PPP3CA: variants seen among roughly 807,000 people sequenced by gnomAD.
PPP3CA encodes CAM-PRP catalytic subunit.
In PPP3CA, 14 loss-of-function variants were observed where a neutral mutation model predicts 66.5. The ratio of observed to expected loss-of-function variants is 0.21; its 90% CI spans 0.14 to 0.33. The LOEUF (loss-of-function observed/expected upper bound fraction) is 0.33. PPP3CA is among the 10% of genes least tolerant of loss of function. The probability of loss-of-function intolerance (pLI) is 1.00; values close to 1 mark genes in which losing one functional copy is unlikely to be tolerated. For missense variants in PPP3CA, 317 were observed against 639.5 expected, an observed-to-expected ratio of 0.50 and a Z score of 5.44; for synonymous variants, 232 against 226.2, an observed-to-expected ratio of 1.03 and a Z score of -0.23.
intron 1 of PPP3CA, among the ~76,000 whole-genome samples, chr4:101,281,795 A>C (rs1727692699): frequency 6.6e-6 from 1 of 152,222 alleles, no homozygotes; most frequent in Non-Finnish European, 1.5e-5. Flanking sequence ...AATTTTATAT[A>C]GTGAAAAAAG....
At chr4:101,113,364 T>C (rs150597977) in intron 2 of PPP3CA, among the ~76,000 whole-genome samples, 1 of 152,228 alleles carries the variant, frequency 6.6e-6, no homozygotes, top group African/African-American at 2.4e-5. Context: ...ACACACAGCC[T>C]TCATTCTGTG....
intron 2 of PPP3CA, among the ~76,000 whole-genome samples, chr4:101,162,528 AAAATAAATAAATAAATAAAT>A (rs70961778): frequency 4.7e-4 from 67 of 143,988 alleles, no homozygotes; most frequent in African/African-American, 1.6e-3. Flanking sequence ...AGACTCCATC[AAAATAAATAAATAAATAAAT>A]AAATAAATAA....
intron 2 of PPP3CA, among the ~76,000 whole-genome samples, chr4:101,118,975 T>C (rs867133822): frequency 1.3e-5 from 2 of 151,252 alleles, no homozygotes; most frequent in African/African-American, 4.9e-5. Context: ...TTTTTTTTTT[T>C]TTTTAAACAA....
chr4:101,138,548 G>A (rs1056927529), intron 2 of PPP3CA, among the ~76,000 whole-genome samples: 1 of 152,104 alleles, frequency 6.6e-6, no homozygotes, highest in Non-Finnish European at 1.5e-5. Flanking sequence ...CTACTGAAAA[G>A]TTATCCATCC....
chr4:101,084,745 G>A (rs1225391328), intron 6 of PPP3CA, among the ~76,000 whole-genome samples: 1 of 152,194 alleles, frequency 6.6e-6, no homozygotes, highest in Non-Finnish European at 1.5e-5. Context: ...AACAGTCTCT[G>A]TTCATGTGCC....
chr4:101,133,690 T>C (rs139686096), intron 2 of PPP3CA, among the ~76,000 whole-genome samples: 6,060 of 152,234 alleles, frequency 0.04, 202 homozygotes, highest in Middle Eastern at 0.11. Flanking sequence ...ATAGATTCAA[T>C]GCTATTCCCA....
At chr4:101,076,307 C>CAA (rs58667608) in intron 8 of PPP3CA, among the ~76,000 whole-genome samples, 26 of 127,330 alleles carry the variant, frequency 2.0e-4, no homozygotes, top group African/African-American at 5.1e-4. Context: ...GTTAATTCTC[C>CAA]AAAAAAAAAA....
At chr4:101,184,613 C>CT (rs67414614) in intron 2 of PPP3CA, among the ~76,000 whole-genome samples, 5,343 of 152,122 alleles carry the variant, frequency 0.035, 319 homozygotes, top group African/African-American at 0.12. Context: ...ATAATTTCAC[C>CT]TGTTTCTTTT....
intron 1 of PPP3CA, among the ~76,000 whole-genome samples, chr4:101,278,379 G>A (rs1334497653): frequency 6.6e-6 from 1 of 151,878 alleles, no homozygotes; most frequent in Non-Finnish European, 1.5e-5. Flanking sequence ...TCAGAATTAG[G>A]TCCATTAACT....
chr4:101,234,945 G>A (rs1315097330), intron 1 of PPP3CA, among the ~76,000 whole-genome samples: 3 of 151,662 alleles, frequency 2.0e-5, no homozygotes, highest in Admixed American at 6.6e-5. Context: ...TAGAAGAAAT[G>A]TGAAGATATT....
intron 1 of PPP3CA, among the ~76,000 whole-genome samples, chr4:101,287,246 T>C (rs1727872530): frequency 3.3e-5 from 5 of 152,216 alleles, no homozygotes; most frequent in Admixed American, 1.3e-4. Flanking sequence ...TTAACAAAGC[T>C]TAAAATTTTT....
At chr4:101,334,611 T>G (rs1211188732) in intron 1 of PPP3CA, among the ~76,000 whole-genome samples, 1 of 152,164 alleles carries the variant, frequency 6.6e-6, no homozygotes, top group East Asian at 1.9e-4. Flanking sequence ...TTCTGAAATA[T>G]CTATCAAAAA....
At chr4:101,081,838 G>A (rs1029155736) in intron 7 of PPP3CA, among the ~76,000 whole-genome samples, 1 of 152,128 alleles carries the variant, frequency 6.6e-6, no homozygotes, top group Non-Finnish European at 1.5e-5. Flanking sequence ...ACTGAGCTTC[G>A]TTATGGAAAC....
intron 1 of PPP3CA, among the ~76,000 whole-genome samples, chr4:101,311,064 G>T (rs1238215414): frequency 2.0e-5 from 3 of 152,098 alleles, no homozygotes; most frequent in South Asian, 2.1e-4. Context: ...TCACAGAAAA[G>T]AAATAGTGAA....
At chr4:101,240,030 G>T (rs1389206470) in intron 1 of PPP3CA, among the ~76,000 whole-genome samples, 16 of 133,140 alleles carry the variant, frequency 1.2e-4, no homozygotes, top group East Asian at 1.1e-3. Flanking sequence ...AATTTTTTTG[G>T]TTTTTTTTTG....
At position 101,098,467 on chromosome 4, in the gene PPP3CA, G is replaced by C. The variant is rs1349802521; in HGVS notation, c.542C>G (p.Ala181Gly). 6.2e-7 allele frequency: 1 copy of C among 1,611,844 alleles called. No homozygotes were observed. Among genetic ancestry groups the C allele is most frequent in the South Asian group, 1.1e-5 (1 of 90,762 alleles). ...SERVYDACMD[A>G]FDCLPLAALM... Reference sequence around the variant, plus strand: ...GGCAGCCAGGGGAAGGCAGTCAAAGGCATCCATACAGGCATCATATACGCG... The same window carrying C: ...GGCAGCCAGGGGAAGGCAGTCAAAGCCATCCATACAGGCATCATATACGCG... Residue 181 changes from alanine to glycine, a missense_variant, in exon 5 of 14, where the codon GCC becomes GGC. By Grantham distance (60) the Ala-to-Gly change is moderately conservative (BLOSUM62 0). Coordinates refer to ENST00000394854, the MANE Select transcript of PPP3CA (RefSeq NM_000944.5).
chr4:101,148,651 C>G (rs1485442998), intron 2 of PPP3CA, among the ~76,000 whole-genome samples: 1 of 152,104 alleles, frequency 6.6e-6, no homozygotes, highest in African/African-American at 2.4e-5. Context: ...TGGATTGCCA[C>G]CTCTTTGGAT....
intron 10 of PPP3CA, among the ~76,000 whole-genome samples, chr4:101,042,395 CTT>C (rs1727564279): frequency 6.6e-6 from 1 of 152,128 alleles, no homozygotes; most frequent in Non-Finnish European, 1.5e-5. Flanking sequence ...TTCTTCCTCT[CTT>C]GTGGCAACTA....
At chr4:101,135,780 C>T (rs900169627) in intron 2 of PPP3CA, among the ~76,000 whole-genome samples, 2 of 152,170 alleles carry the variant, frequency 1.3e-5, no homozygotes, top group East Asian at 3.8e-4. Flanking sequence ...AAGTGTGAAA[C>T]ACCAAGTCGT....
Sources: gnomAD v4.1 joint callset for allele counts (sites outside exome capture counted in the v4.1 genomes callset) on GRCh38, gnomAD v4.1.1 for gene constraint, MANE v1.5 for transcripts, NCBI Gene and HGNC (gene_info 2026-07-23, HGNC 2026-07-21) for gene names.